ME3: variants seen among roughly 807,000 people sequenced by gnomAD.
ME3 encodes NADP-dependent malic enzyme, mitochondrial.
Under a neutral mutation model 68.9 loss-of-function variants are expected in ME3, and 48 were observed. The observed-to-expected ratio is 0.70, with a 90% CI of 0.55 to 0.89. The LOEUF (loss-of-function observed/expected upper bound fraction) is 0.89. Among genes scored for constraint, ME3 ranks in the 40% least tolerant of loss-of-function variants. The probability of loss-of-function intolerance (pLI) is 0.00; values close to 1 mark genes in which losing one functional copy is unlikely to be tolerated. For missense variants in ME3, 675 were observed against 797.4 expected, an observed-to-expected ratio of 0.85 and a Z score of 1.85; for synonymous variants, 320 against 318.8, an observed-to-expected ratio of 1.00 and a Z score of -0.04.
chr11:86,581,501 C>A (rs1958441645), intron 2 of ME3, among the ~76,000 whole-genome samples: 2 of 152,140 alleles, frequency 1.3e-5, no homozygotes, highest in Admixed American at 1.3e-4. Context: ...AACAGAGTGC[C>A]TGATGCTTAG....
chr11:86,644,276 C>A (rs1413721514), intron 2 of ME3, among the ~76,000 whole-genome samples: 2 of 152,302 alleles, frequency 1.3e-5, no homozygotes, highest in East Asian at 3.9e-4. Context: ...TAGCCTCTAA[C>A]TGGTCTTGCT....
intron 7 of ME3, among the ~76,000 whole-genome samples, chr11:86,476,784 G>T (rs1951104861): frequency 6.6e-6 from 1 of 152,134 alleles, no homozygotes; most frequent in Admixed American, 6.5e-5. Context: ...ACATACCAGG[G>T]ATCTAAAATG....
chr11:86,450,053 A>AAC, intron 9 of ME3, 51 bp from the exon 10 acceptor site: 1 of 1,384,826 alleles, frequency 7.2e-7, no homozygotes, highest in African/African-American at 1.4e-5. Context: ...ACAGCTGCTG[A>AAC]ACATTTATCT....
intron 5 of ME3, among the ~76,000 whole-genome samples, chr11:86,505,407 A>G (rs892785996): frequency 6.6e-6 from 1 of 152,234 alleles, no homozygotes; most frequent in Admixed American, 6.5e-5. Context: ...TTTCCAGAGA[A>G]GCCAGAAATC....
rs563738961 is a variant in ME3, at chr11:86,617,045, GTTTTTTTTTTTTT to G, written c.183+54704_183+54716del. On this transcript the variant is annotated intron_variant, in intron 2 of 14. Transcript: ENST00000543262. ...ACATCTAAAATACTCCAAGATAGTA[GTTTTTTTTTTTTT>G]TTTTTTTTTTTTTTTTTTTTAAAGA... Among the ~76,000 whole-genome samples the G allele has an allele frequency of 8.2e-4, 46 of 56,328 alleles. 1 individual carries two copies. The highest frequency in any genetic ancestry group is 2.8e-3 in the East Asian group (5 of 1,774). The allele number at this position is 56,328 out of a possible 152,430, so 37.0% of individuals were successfully genotyped here.
At chr11:86,578,196 G>A (rs949215475) in intron 2 of ME3, among the ~76,000 whole-genome samples, 5 of 152,144 alleles carry the variant, frequency 3.3e-5, no homozygotes, top group Non-Finnish European at 5.9e-5. Flanking sequence ...CTTCCCAAGA[G>A]ACTATTATTT....
chr11:86,542,039 C>G (rs1956078574), intron 4 of ME3, among the ~76,000 whole-genome samples: 1 of 152,216 alleles, frequency 6.6e-6, no homozygotes. Flanking sequence ...CCAGCAAACT[C>G]TAGCAGACCT....
chr11:86,511,104 C>T (rs970082812), intron 4 of ME3, among the ~76,000 whole-genome samples: 1 of 152,224 alleles, frequency 6.6e-6, no homozygotes, highest in Non-Finnish European at 1.5e-5. Flanking sequence ...ATCAGTAACA[C>T]TACCTCCTTT....
At chr11:86,487,841 C>G (rs1167125902) in intron 6 of ME3, among the ~76,000 whole-genome samples, 1 of 152,228 alleles carries the variant, frequency 6.6e-6, no homozygotes, top group Non-Finnish European at 1.5e-5. Context: ...TCTCTGGCCT[C>G]TAGCCACTAG....
chr11:86,508,630 G>A (rs936412874), intron 5 of ME3, among the ~76,000 whole-genome samples, 162 bp downstream of exon 5: 1 of 152,156 alleles, frequency 6.6e-6, no homozygotes, highest in African/African-American at 2.4e-5. Flanking sequence ...CTGCTCTGTG[G>A]TGTATTTGTA....
At chr11:86,514,867 A>C (rs1953783223) in intron 4 of ME3, among the ~76,000 whole-genome samples, 1 of 152,220 alleles carries the variant, frequency 6.6e-6, no homozygotes, top group African/African-American at 2.4e-5. Context: ...AGAGGTTAAA[A>C]GTGTGGGCTC....
In ME3 at chr11:86,536,926, C is replaced by G. The variant is rs562953761; in HGVS notation, c.467+19627G>C. 4.6e-5 allele frequency among the ~76,000 whole-genome samples: 7 copies of G among 152,060 alleles called. No homozygotes were observed. The East Asian group carries it at 1.2e-3, about 25-fold the overall frequency. On this transcript the variant is annotated intron_variant, in intron 4 of 14. Transcript: ENST00000543262. ...GATAGACTGGATTAAGAAAATGTGA[C>G]ACATATACACCATGGAATACTATGC...
At chr11:86,463,621 C>T (rs572874186) in intron 8 of ME3, among the ~76,000 whole-genome samples, 9 of 152,216 alleles carry the variant, frequency 5.9e-5, no homozygotes, top group Non-Finnish European at 1.0e-4. Flanking sequence ...TCTCCCCTCC[C>T]TCTGGATACC....
intron 6 of ME3, among the ~76,000 whole-genome samples, chr11:86,488,481 A>G (rs1199231717): frequency 2.0e-5 from 3 of 152,130 alleles, no homozygotes; most frequent in African/African-American, 7.2e-5. Flanking sequence ...CAAGCATAGA[A>G]TGAAACAACC....
intron 2 of ME3, among the ~76,000 whole-genome samples, chr11:86,618,327 A>AAAAAAAAAAC (rs1943120036): frequency 7.1e-6 from 1 of 141,492 alleles, no homozygotes; most frequent in Non-Finnish European, 1.5e-5. Flanking sequence ...AAAAAAAAAA[A>AAAAAAAAAAC]AAGTAGGATC....
intron 2 of ME3, among the ~76,000 whole-genome samples, chr11:86,646,605 G>A (rs1945032422): frequency 6.6e-6 from 1 of 152,182 alleles, no homozygotes; most frequent in African/African-American, 2.4e-5. Flanking sequence ...CGAGGAGAAT[G>A]GAACCAAGTT....
At chr11:86,471,911 T>TA (rs1950802235) in intron 7 of ME3, among the ~76,000 whole-genome samples, 2 of 151,926 alleles carry the variant, frequency 1.3e-5, no homozygotes, top group Non-Finnish European at 2.9e-5. Flanking sequence ...CACAGGAAAA[T>TA]AAAAAAACAG....
intron 5 of ME3, among the ~76,000 whole-genome samples, chr11:86,501,320 T>C (rs963264536): frequency 1.6e-4 from 25 of 152,184 alleles, no homozygotes; most frequent in Non-Finnish European, 3.1e-4. Flanking sequence ...ATGATGATTA[T>C]TTAGGGCAAA....
At chr11:86,547,729 A>G (rs1280567022) in intron 4 of ME3, among the ~76,000 whole-genome samples, 1 of 152,188 alleles carries the variant, frequency 6.6e-6, no homozygotes, top group Non-Finnish European at 1.5e-5. Flanking sequence ...CATTTAGTGC[A>G]TTGTACAGGT....
Sources: allele counts gnomAD v4.1 joint callset (sites outside exome capture counted in the v4.1 genomes callset), GRCh38; gene constraint gnomAD v4.1.1; transcripts MANE v1.5; gene names NCBI Gene and HGNC (gene_info 2026-07-23, HGNC 2026-07-21).